Variants in ZNF653 observed in about 807,000 individuals in gnomAD.
ZNF653 encodes the protein zinc finger protein 653.
In ZNF653, 37 loss-of-function variants were observed where a neutral mutation model predicts 59.9. The observed-to-expected ratio is 0.62, with a 90% CI of 0.48 to 0.81. The LOEUF is 0.81. Among genes scored for constraint, ZNF653 ranks in the 40% least tolerant of loss-of-function variants. The pLI is 0.00. For synonymous variants in ZNF653, 435 were observed against 371.8 expected (o/e 1.17, Z -1.96); for missense variants, 808 against 881.1 (o/e 0.92, Z 1.05).
At chr19:11,491,076 C>T (rs571018327) in intron 3 of ZNF653, among the ~76,000 whole-genome samples, 19 of 152,312 alleles carry the variant, frequency 1.2e-4, no homozygotes, top group African/African-American at 3.8e-4. Flanking sequence ...ATGCTAGTTG[C>T]GGCCCCACCG....
At chr19:11,499,828 C>A (rs761240833) in intron 1 of ZNF653, among the ~76,000 whole-genome samples, 1 of 151,984 alleles carries the variant, frequency 6.6e-6, no homozygotes, top group African/African-American at 2.4e-5. Flanking sequence ...GGGAGGATCA[C>A]CTGAGCCTGG....
chr19:11,485,547 T>C, intron 7 of ZNF653, 109 bp downstream of exon 7: 1 of 796,366 alleles, frequency 1.3e-6, no homozygotes, highest in South Asian at 1.5e-5. Context: ...GGTGTAGTCC[T>C]GTGCCCGGAG....
Position 11,487,789 on chromosome 19 carries a change from G to A in ZNF653, c.674C>T (p.Ala225Val), listed in dbSNP as rs527748933. The change falls in exon 4 of 9, where the codon GCG (alanine) becomes GTG (valine). Residue 225 changes from alanine to valine, a missense_variant. Ala to Val is a moderately conservative substitution (Grantham distance 64). Transcript: ENST00000293771. The surrounding 1 kb of genome is among the most constrained non-coding windows in gnomAD (Gnocchi z 5.1). ...PVKAAAAAAA[A>V]TPTSPVGSSG... ...GCTGCCCACCGGGCTGGTGGGCGTC[G>A]CTGCCGCTGCCGCTGCCGCAGCCTT... is the stretch of plus-strand genomic sequence containing the variant. 70 of 1,606,204 alleles carry A rather than the reference G, an allele frequency of 4.4e-5. No homozygotes were observed. The highest frequency in any genetic ancestry group is 5.8e-5 in the Non-Finnish European group (68 of 1,178,082).
chr19:11,487,554 C>A lies in ZNF653; in HGVS notation c.909G>T (p.Glu303Asp). The part of the protein sequence containing the change: ...FENVPQEALG[E>D]VVASCPMPGM... ...CTGGCATGGGGCAGCTGGCCACCAC[C>A]TCACCCAGGGCCTCCTGGGGCACGT... The change falls in exon 4 of 9, where the codon GAG becomes GAT. Residue 303 changes from glutamate to aspartate, a missense_variant. Coordinates refer to ENST00000293771, the MANE Select transcript of ZNF653 (RefSeq NM_138783.4). This position sits in a 1 kb window ranked among gnomAD's most constrained non-coding sequence, Gnocchi z 5.1. 6.2e-7 allele frequency: 1 copy of A among 1,613,966 alleles called. No homozygotes were observed. The highest frequency in any genetic ancestry group is 8.5e-7 in the Non-Finnish European group (1 of 1,179,990).
intron 7 of ZNF653, 95 bp downstream of exon 7, chr19:11,485,561 C>G (rs1244585097): frequency 4.2e-6 from 4 of 943,280 alleles, no homozygotes; most frequent in Non-Finnish European, 6.8e-6. Context: ...CCCGGAGACC[C>G]AGCACTGGGC....
chr19:11,494,681 C>T (rs748060504), intron 3 of ZNF653, among the ~76,000 whole-genome samples: 2 of 152,126 alleles, frequency 1.3e-5, no homozygotes, highest in African/African-American at 4.8e-5. Flanking sequence ...AGAGCGAGAC[C>T]CTGTCTCAGA....
At chr19:11,494,349 T>TAACATAACATA (rs1971560417) in intron 3 of ZNF653, among the ~76,000 whole-genome samples, 1 of 145,814 alleles carries the variant, frequency 6.9e-6, no homozygotes, top group Non-Finnish European at 1.5e-5. Flanking sequence ...TAACATAACA[T>TAACATAACATA]AACATAACAT....
chr19:11,493,544 A>G (rs938854604), intron 3 of ZNF653, among the ~76,000 whole-genome samples: 1 of 152,108 alleles, frequency 6.6e-6, no homozygotes, highest in Non-Finnish European at 1.5e-5. Flanking sequence ...CTTTCTGGAT[A>G]ATTTCCCCTT....
intron 3 of ZNF653, among the ~76,000 whole-genome samples, chr19:11,492,747 G>A (rs1309346064): frequency 6.6e-6 from 1 of 152,110 alleles, no homozygotes; most frequent in Non-Finnish European, 1.5e-5. Context: ...CCCCAGTGCC[G>A]AGAAGGCTGT....
Position 11,487,858 on chromosome 19 carries a change from C to A in ZNF653, c.605G>T (p.Gly202Val). 6.2e-7 allele frequency: 1 copy of A among 1,608,374 alleles called. No individual in the cohort carries two copies. Among genetic ancestry groups the A allele is most frequent in the Non-Finnish European group, 8.5e-7 (1 of 1,176,946 alleles). The part of the protein sequence containing the change: ...VAGSSDSSSS[G>V]SASDSEESPE... ...AGACTCCTCAGAGTCAGAGGCAGAG[C>A]CAGAGCTGGATGAGTCAGAGCTGCC... is the stretch of plus-strand genomic sequence containing the variant. The change falls in exon 4 of 9, where the codon GGC becomes GTC. Residue 202 changes from glycine to valine, a missense_variant. By Grantham distance (109) the Gly-to-Val change is moderately radical. Coordinates refer to ENST00000293771, the MANE Select transcript of ZNF653 (RefSeq NM_138783.4). The surrounding 1 kb of genome is among the most constrained non-coding windows in gnomAD (Gnocchi z 5.1).
At position 11,484,141 on chromosome 19, in the gene ZNF653, C is replaced by T; in HGVS notation, c.1571G>A (p.Gly524Asp). 1.3e-6 allele frequency: 2 copies of T among 1,552,070 alleles called. No homozygotes were observed. Among genetic ancestry groups the T allele is most frequent in the Non-Finnish European group, 1.7e-6 (2 of 1,147,464 alleles). Reference protein sequence around the residue: ...HLRRHMIIHSGVREFTCETCG... With the variant: ...HLRRHMIIHSDVREFTCETCG... ...GGTCTCGCAGGTGAATTCACGGACA[C>T]CTGGGGGCGGTGGGGACCGAGGCTG... The change falls in exon 8 of 9, where the codon GGT (glycine) becomes GAT (aspartate). Residue 524 changes from glycine (G) to aspartate (D), a missense_variant and splice_region_variant. Gly to Asp is a moderately conservative substitution (Grantham distance 94, BLOSUM62 -1). Coordinates refer to ENST00000293771, the MANE Select transcript of ZNF653 (RefSeq NM_138783.4).
At chr19:11,505,124 G>C (rs960325317) in intron 1 of ZNF653, 2 of 218,852 alleles carry the variant, frequency 9.1e-6, no homozygotes, top group South Asian at 1.9e-4. Flanking sequence ...GGAACTAAGC[G>C]GGGGAGGATG....
At chr19:11,491,487 T>C (rs1201627851) in intron 3 of ZNF653, among the ~76,000 whole-genome samples, 2 of 152,112 alleles carry the variant, frequency 1.3e-5, no homozygotes, top group Non-Finnish European at 2.9e-5. Context: ...TTTCAGGAGG[T>C]GTTCCATCAC....
At chr19:11,502,255 C>A (rs1041944237) in intron 1 of ZNF653, among the ~76,000 whole-genome samples, 1 of 151,968 alleles carries the variant, frequency 6.6e-6, no homozygotes, top group Admixed American at 6.6e-5. Flanking sequence ...CCATGCCCGG[C>A]TAATTTTTGC....
Position 11,483,473 on chromosome 19 carries a change from C to G in ZNF653, c.*209G>C. ...CTCACTCTGCTCTCTTGACACAGTTCCAGCAATGCAGCCCCAGGCACCAGC... is the reference window on the plus strand; with the variant it reads ...CTCACTCTGCTCTCTTGACACAGTTGCAGCAATGCAGCCCCAGGCACCAGC... On this transcript the variant is annotated 3_prime_UTR_variant, in exon 9 of 9. Coordinates refer to ENST00000293771, the MANE Select transcript of ZNF653 (RefSeq NM_138783.4). 2.2e-6 allele frequency: 3 copies of G among 1,382,424 alleles called. No individual in the cohort carries two copies. The highest frequency in any genetic ancestry group is 1.5e-5 in the African/African-American group (1 of 66,360). 85.6% of individuals were successfully genotyped at this position (1,382,424 alleles called of 1,614,324 possible). A position where few individuals can be genotyped will look rare whatever the true frequency, so the allele number is the denominator to read the frequency against.
intron 7 of ZNF653, 104 bp from the exon 8 acceptor site, chr19:11,484,245 C>T: frequency 9.9e-6 from 9 of 909,640 alleles, no homozygotes; most frequent in Middle Eastern, 2.2e-4. Flanking sequence ...CTCCTTGGAT[C>T]TCCCAGGACT....
intron 1 of ZNF653, among the ~76,000 whole-genome samples, chr19:11,503,296 T>C (rs1971666660): frequency 6.6e-6 from 1 of 152,162 alleles, no homozygotes; most frequent in African/African-American, 2.4e-5. Flanking sequence ...CTCAGGACCT[T>C]TGCCTTTGCT....
intron 1 of ZNF653, 93 bp from the exon 2 acceptor site, chr19:11,498,432 TTG>T: frequency 6.5e-7 from 1 of 1,532,850 alleles, no homozygotes; most frequent in South Asian, 1.1e-5. Flanking sequence ...CCACTGCTCA[TTG>T]TACACTGAAA....
rs1599572418 is a variant in ZNF653 at position 11,505,816 on chromosome 19, G to A, written c.-30C>T. 2.4e-6 allele frequency: 3 copies of A among 1,262,412 alleles called. No individual in the cohort carries two copies. The highest frequency in any genetic ancestry group is 3.0e-6 in the Non-Finnish European group (3 of 999,712). 78.2% of individuals were successfully genotyped at this position (1,262,412 alleles called of 1,614,324 possible). On this transcript the variant is annotated 5_prime_UTR_variant, in exon 1 of 9. In the 5' UTR this introduces an upstream ATG that the reference lacks. Coordinates refer to ENST00000293771, the MANE Select transcript of ZNF653 (RefSeq NM_138783.4). ...CCCACCCTGGTTACCAGCCTCCCCC[G>A]TTGTTAGGAGCCAGACCGGAAGTGG...
Sources: allele counts gnomAD v4.1 joint callset (sites outside exome capture counted in the v4.1 genomes callset), GRCh38; gene constraint gnomAD v4.1.1; non-coding constraint Gnocchi (gnomAD v3.1); transcripts MANE v1.5; gene names NCBI Gene and HGNC (gene_info 2026-07-23, HGNC 2026-07-21).